Variants in VPS25 observed in about 807,000 individuals in gnomAD.
VPS25 encodes the protein vacuolar protein-sorting-associated protein 25.
In VPS25, 21 loss-of-function variants were observed where a neutral mutation model predicts 30.3. The observed-to-expected ratio is 0.69, with a 90% confidence interval of 0.49 to 1.00. VPS25 has a LOEUF of 1.00. Among genes scored for constraint, VPS25 ranks in the 50% least tolerant of loss-of-function variants. The pLI is 0.00. For missense variants in VPS25, 156 were observed against 217.2 expected, an observed-to-expected ratio of 0.72 and a Z score of 1.77; for synonymous variants, 101 against 88.1, an observed-to-expected ratio of 1.15 and a Z score of -0.82.
intron 5 of VPS25, 128 bp downstream of exon 5, chr17:42,776,448 C>T (rs1426313466): frequency 8.9e-6 from 7 of 782,836 alleles, no homozygotes; most frequent in South Asian, 6.9e-5. Flanking sequence ...CTGCAACCTC[C>T]GCCTCCTAGG....
Position 42,776,285 on chromosome 17 carries a change from A to G in VPS25, c.383A>G (p.Tyr128Cys). Residue 128 changes from tyrosine (Y) to cysteine (C), a missense_variant, in exon 5 of 6, where the codon TAT (tyrosine) becomes TGT (cysteine). Transcript: ENST00000253794. ...CAGAACAACTCCGTCTTTACCCTGT[A>G]TGAACTGACTAATGGGGAAGACACA... ...SGQNNSVFTL[Y>C]ELTNGEDTED... The G allele has an allele frequency of 1.2e-6, 2 of 1,613,704 alleles. No homozygotes were observed. Among genetic ancestry groups the G allele is most frequent in the African/African-American group, 2.7e-5 (2 of 75,020 alleles).
At chr17:42,776,383 T>C (rs760011927) in intron 5 of VPS25, 63 bp downstream of exon 5, 139 of 1,494,662 alleles carry the variant, frequency 9.3e-5, no homozygotes, top group Non-Finnish European at 1.2e-4. Flanking sequence ...GTTTTTCCGA[T>C]ATGGAGTCTT....
chr17:42,775,292 C>A (rs542332708), intron 3 of VPS25, 89 bp from the exon 4 acceptor site: 1 of 980,292 alleles, frequency 1.0e-6, no homozygotes, highest in Non-Finnish European at 1.6e-6. Flanking sequence ...GTTTCGAACT[C>A]CTGGGCTCAA....
chr17:42,773,482 A>G lies in VPS25; in HGVS notation c.7A>G (p.Met3Val), dbSNP rs1036053889. The G allele has an allele frequency of 6.2e-7, 1 of 1,613,992 alleles. No individual in the cohort carries two copies. Among genetic ancestry groups the G allele is most frequent in the African/African-American group, 1.3e-5 (1 of 74,886 alleles). MA[M>V]SFEWPWQYRF... ...GGTTTCCTGGGCTACTACGATGGCG[A>G]TGAGTTTCGAGTGGCCGTGGCAGTA... is the stretch of plus-strand genomic sequence containing the variant. The change falls in exon 1 of 6, where the codon ATG becomes GTG. Residue 3 changes from methionine to valine, a missense_variant. Physicochemically the swap from Met to Val is conservative, Grantham distance 21. Transcript: ENST00000253794.
At chr17:42,775,088 A>G (rs7216733) in intron 3 of VPS25, 1 of 385,772 alleles carries the variant, frequency 2.6e-6, no homozygotes, top group Non-Finnish European at 4.7e-6. Context: ...TCTGTCATCC[A>G]GGCTGGAGTG....
rs753667180 is a variant in VPS25, at chr17:42,774,665, G to T, written c.219G>T (p.Ser73=). 4 of 1,612,868 alleles carry T rather than the reference G, an allele frequency of 2.5e-6. No individual in the cohort carries two copies. The African/African-American group carries it at 4.0e-5, about 16-fold the overall frequency. ...AACCAGGAAAGCTTCCTGTGGAGTC[G>T]ATCCAGATTGTATTAGAGGAACTGA... ...VKLQRKLPVE[S]IQIVLEELRK... is the part of the protein sequence containing the mutation. The change falls in exon 3 of 6, where the codon TCG becomes TCT. Residue 73 remains serine (S), a synonymous_variant. Coordinates refer to ENST00000253794, the MANE Select transcript of VPS25 (RefSeq NM_032353.4).
At position 42,779,039 on chromosome 17, in the gene VPS25, C is replaced by T; in HGVS notation, c.501C>T (p.Val167=). Residue 167 remains valine, a synonymous_variant, in exon 6 of 6, where the codon GTC becomes GTT. Coordinates refer to ENST00000253794, the MANE Select transcript of VPS25 (RefSeq NM_032353.4). ...QQEHKAEIIT[V]SDGRGVKFF is the part of the protein sequence containing the mutation. Reference sequence around the variant, plus strand: ...AGCACAAGGCCGAGATCATCACTGTCAGCGATGGCCGAGGCGTCAAGTTCT... The same window carrying T: ...AGCACAAGGCCGAGATCATCACTGTTAGCGATGGCCGAGGCGTCAAGTTCT... 6.2e-7 allele frequency: 1 copy of T among 1,614,050 alleles called. No individual in the cohort carries two copies.
At chr17:42,778,071 GC>G (rs1378525177) in intron 5 of VPS25, among the ~76,000 whole-genome samples, 35 of 152,268 alleles carry the variant, frequency 2.3e-4, no homozygotes, top group African/African-American at 7.7e-4. Flanking sequence ...ACTTAGCTGA[GC>G]CCCCACAGGG....
intron 2 of VPS25, chr17:42,774,372 C>CTTT (rs1161401913): frequency 3.9e-4 from 89 of 227,262 alleles, no homozygotes; most frequent in African/African-American, 7.7e-4. Flanking sequence ...TTCTTTCTTT[C>CTTT]TTTTTTTTTT....
intron 5 of VPS25, 91 bp downstream of exon 5, chr17:42,776,411 G>T: frequency 1.6e-6 from 2 of 1,243,998 alleles, no homozygotes; most frequent in Non-Finnish European, 2.3e-6. Context: ...CACCCAGGCT[G>T]GAGTGCAATG....
At chr17:42,777,848 G>T (rs1159678597) in intron 5 of VPS25, among the ~76,000 whole-genome samples, 2 of 152,152 alleles carry the variant, frequency 1.3e-5, no homozygotes, top group Non-Finnish European at 2.9e-5. Context: ...CACAAGTTTC[G>T]ATCTTAGCTG....
chr17:42,774,135 G>T (rs1318789261), intron 2 of VPS25: 4 of 406,138 alleles, frequency 9.8e-6, no homozygotes, highest in Non-Finnish European at 1.7e-5. Flanking sequence ...CAAGTTCCAA[G>T]TTTTTTAACC....
Position 42,773,935 on chromosome 17 carries a change from C to T in VPS25, c.199+57C>T, listed in dbSNP as rs867397292. 25 of 1,556,914 alleles carry T rather than the reference C, an allele frequency of 1.6e-5. No homozygotes were observed. In the Middle Eastern group the frequency reaches 2.7e-3, roughly 170 times the overall value. On this transcript the variant is annotated intron_variant, in intron 2 of 5. Transcript: ENST00000253794. ...ACACATGCACTTCTGCGCTTTCACA[C>T]ATGCCCAGACGCCCCCCCGCGCCAG...
At position 42,773,499 on chromosome 17, in the gene VPS25, G is replaced by C; in HGVS notation, c.24G>C (p.Pro8=). The C allele has an allele frequency of 6.2e-7, 1 of 1,614,214 alleles. No homozygotes were observed. MAMSFEW[P]WQYRFPPFFT... ...CGATGGCGATGAGTTTCGAGTGGCC[G>C]TGGCAGTATCGCTTCCCACCCTTCT... Residue 8 remains proline (P), a synonymous_variant, in exon 1 of 6, where the codon CCG becomes CCC. Coordinates refer to ENST00000253794, the MANE Select transcript of VPS25 (RefSeq NM_032353.4).
intron 2 of VPS25, chr17:42,774,397 A>G (rs992899739): frequency 8.8e-6 from 3 of 342,374 alleles, no homozygotes; most frequent in Non-Finnish European, 1.5e-5. Flanking sequence ...TTTTGGAGAC[A>G]GGGTCTTCCT....
intron 5 of VPS25, among the ~76,000 whole-genome samples, chr17:42,777,937 G>C (rs2054445191): frequency 6.6e-6 from 1 of 152,106 alleles, no homozygotes; most frequent in Non-Finnish European, 1.5e-5. Flanking sequence ...TGTTCCCCCT[G>C]CTGCCCTGCA....
At chr17:42,776,029 G>T (rs980443292) in intron 4 of VPS25, among the ~76,000 whole-genome samples, 1 of 152,190 alleles carries the variant, frequency 6.6e-6, no homozygotes, top group Non-Finnish European at 1.5e-5. Context: ...CCTCAGACAC[G>T]TGAAGACCTG....
chr17:42,776,999 G>A (rs1365884683), intron 5 of VPS25, among the ~76,000 whole-genome samples: 2 of 151,866 alleles, frequency 1.3e-5, no homozygotes, highest in Non-Finnish European at 1.5e-5. Context: ...TGGGAGGATT[G>A]CTTGAGGTCA....
At chr17:42,774,325 A>C (rs2054424978) in intron 2 of VPS25, 2 of 299,404 alleles carry the variant, frequency 6.7e-6, no homozygotes, top group African/African-American at 4.4e-5. Flanking sequence ...CAACAGACAG[A>C]GGGTGAGGAA....
Sources: gnomAD v4.1 joint callset for allele counts (sites outside exome capture counted in the v4.1 genomes callset) on GRCh38, gnomAD v4.1.1 for gene constraint, MANE v1.5 for transcripts, NCBI Gene and HGNC (gene_info 2026-07-23, HGNC 2026-07-21) for gene names.